KIF3A: variants seen among roughly 807,000 people sequenced by gnomAD.
KIF3A encodes kinesin-like protein KIF3A.
Under a neutral mutation model 92.6 loss-of-function variants are expected in KIF3A, and 27 were observed. That is an observed-to-expected ratio of 0.29 (90% CI 0.21 to 0.40). KIF3A has a LOEUF of 0.40. Ranked by LOEUF, KIF3A falls within the 10% of genes least tolerant of loss-of-function variation. The pLI is 1.00. For missense variants in KIF3A, 581 were observed against 872.6 expected (o/e 0.67, Z 4.21); for synonymous variants, 250 against 275.4 (o/e 0.91, Z 0.92).
intron 8 of KIF3A, among the ~76,000 whole-genome samples, chr5:132,713,003 C>A (rs758100778): frequency 1.3e-4 from 20 of 152,188 alleles, no homozygotes; most frequent in Admixed American, 2.0e-4. Context: ...ACTAAAAATA[C>A]GAAAATTAGC....
intron 18 of KIF3A, 80 bp from the exon 19 acceptor site, chr5:132,696,762 T>C (rs977795056): frequency 1.5e-5 from 16 of 1,096,026 alleles, no homozygotes; most frequent in East Asian, 9.5e-5. Flanking sequence ...ATATAGAAAC[T>C]ATGGGGTGGC....
chr5:132,691,722 G>C (rs193211716), downstream of KIF3A, among the ~76,000 whole-genome samples: 2 of 151,444 alleles, frequency 1.3e-5, no homozygotes, highest in Non-Finnish European at 2.9e-5. Flanking sequence ...GAACAACATG[G>C]TGAAATTCCA....
In KIF3A at chr5:132,729,293, T is replaced by A. The variant is rs542779545; in HGVS notation, c.281-2795A>T. Among the ~76,000 whole-genome samples, 8 of 151,112 alleles carry A rather than the reference T, an allele frequency of 5.3e-5. No homozygotes were observed. In the East Asian group the frequency reaches 7.8e-4, roughly 15 times the overall value. ...AACTTATTGAAATTAAAACTAAATT[T>A]AAAAAAAAATTAGCCAGACATGGTG... On this transcript the variant is annotated intron_variant, in intron 2 of 18. Transcript: ENST00000403231.
At chr5:132,724,375 A>G (rs978513633) in intron 4 of KIF3A, among the ~76,000 whole-genome samples, 16 of 152,212 alleles carry the variant, frequency 1.1e-4, no homozygotes, top group African/African-American at 3.9e-4. Flanking sequence ...TCACAATAGC[A>G]AAGACTTGGA....
At chr5:132,721,768 T>C (rs746225214) in intron 4 of KIF3A, among the ~76,000 whole-genome samples, 8 of 151,880 alleles carry the variant, frequency 5.3e-5, no homozygotes, top group Admixed American at 1.3e-4. Context: ...TTTCAGACCT[T>C]GCTCTGAAAA....
At chr5:132,712,897 C>T (rs1218260610) in intron 8 of KIF3A, among the ~76,000 whole-genome samples, 5 of 152,192 alleles carry the variant, frequency 3.3e-5, no homozygotes, top group Admixed American at 6.5e-5. Flanking sequence ...TGGTGGCTCA[C>T]GCCTGTAGTC....
chr5:132,710,054 T>C (rs1239122389), intron 9 of KIF3A, among the ~76,000 whole-genome samples: 2 of 152,188 alleles, frequency 1.3e-5, no homozygotes, highest in African/African-American at 4.8e-5. Flanking sequence ...AATAAATATT[T>C]ATGGTAAAAA....
At chr5:132,729,182 A>G (rs953753992) in intron 2 of KIF3A, among the ~76,000 whole-genome samples, 4 of 152,196 alleles carry the variant, frequency 2.6e-5, no homozygotes, top group Non-Finnish European at 4.4e-5. Context: ...TACAGTGTAC[A>G]CTGCTTGGGT....
chr5:132,724,806 A>T (rs13175829), intron 4 of KIF3A, among the ~76,000 whole-genome samples: 853 of 22,272 alleles, frequency 0.038, 16 homozygotes, highest in South Asian at 0.049. Context: ...AAAAAAAAAA[A>T]ATATATATAT....
intron 11 of KIF3A, among the ~76,000 whole-genome samples, chr5:132,705,360 T>C (rs1246816675): frequency 2.0e-5 from 3 of 151,844 alleles, no homozygotes; most frequent in Admixed American, 1.3e-4. Flanking sequence ...AAATAATAAA[T>C]GCATGAAGAC....
intron 11 of KIF3A, among the ~76,000 whole-genome samples, chr5:132,703,878 T>G (rs1296608025): frequency 6.6e-6 from 1 of 151,566 alleles, no homozygotes. Context: ...AGAAGCAAAA[T>G]AGATGAGCTA....
At chr5:132,712,574 C>G (rs1446525288) in intron 8 of KIF3A, among the ~76,000 whole-genome samples, 1 of 152,114 alleles carries the variant, frequency 6.6e-6, no homozygotes, top group Non-Finnish European at 1.5e-5. Context: ...ATTATTGTTG[C>G]AGACAAGAAC....
rs746645984 is a variant in KIF3A, at chr5:132,700,635, G to C, written c.1938+12C>G. ...TTTAATTATTACGTGAAAGAATGAAGGTAATACTCACTAGCTGCCATTCTC... is the reference window on the plus strand; with the variant it reads ...TTTAATTATTACGTGAAAGAATGAACGTAATACTCACTAGCTGCCATTCTC... On this transcript the variant is annotated intron_variant, in intron 16 of 18. Coordinates refer to ENST00000403231, the MANE Select transcript of KIF3A (RefSeq NM_001300791.2). 5 of 1,532,866 alleles carry C rather than the reference G, an allele frequency of 3.3e-6. No homozygotes were observed. The highest frequency in any genetic ancestry group is 3.6e-6 in the Non-Finnish European group (4 of 1,106,730). The allele number at this position is 1,532,866 out of a possible 1,614,324, so 95.0% of individuals were successfully genotyped here. A position where few individuals can be genotyped will look rare whatever the true frequency, so the allele number is the denominator to read the frequency against.
In KIF3A at chr5:132,696,602, T is replaced by A. The variant is rs1303340889; in HGVS notation, c.*32A>T. On this transcript the variant is annotated 3_prime_UTR_variant, in exon 19 of 19. Transcript: ENST00000403231. ...TTTTGTCCAGGCATGAGAATATCAC[T>A]AATTTTTATTGTGACTTTAAGTCTG... The A allele has an allele frequency of 7.1e-6, 10 of 1,417,258 alleles. No individual in the cohort carries two copies. The highest frequency in any genetic ancestry group is 2.8e-5 in the African/African-American group (2 of 71,236). 87.8% of individuals were successfully genotyped at this position (1,417,258 alleles called of 1,614,324 possible).
At chr5:132,698,253 A>G in intron 18 of KIF3A, among the ~76,000 whole-genome samples, 1 of 152,148 alleles carries the variant, frequency 6.6e-6, no homozygotes, top group East Asian at 1.9e-4. Flanking sequence ...TATTTCCTAC[A>G]TTTTAGGAGC....
intron 18 of KIF3A, 107 bp downstream of exon 18, chr5:132,699,064 C>A: frequency 8.7e-7 from 1 of 1,149,354 alleles, no homozygotes; most frequent in South Asian, 1.5e-5. Context: ...ATAAATCAGC[C>A]AAAATATGTA....
At chr5:132,736,525 G>A (rs779726835) in intron 1 of KIF3A, among the ~76,000 whole-genome samples, 1 of 152,182 alleles carries the variant, frequency 6.6e-6, no homozygotes, top group Non-Finnish European at 1.5e-5. Context: ...AACCTGACTG[G>A]TGTTGCTCAA....
rs1561684134 is a variant in KIF3A at position 132,693,499 on chromosome 5, T to C, written c.*3135A>G. 1 of 152,768 alleles carries C rather than the reference T, an allele frequency of 6.5e-6. No homozygotes were observed. The highest frequency in any genetic ancestry group is 2.4e-5 in the African/African-American group (1 of 41,448). The allele number at this position is 152,768 out of a possible 1,614,324, so 9.5% of individuals were successfully genotyped here. A position where few individuals can be genotyped will look rare whatever the true frequency, so the allele number is the denominator to read the frequency against. ...ATATATGTGCCACTCATTTTAAATC[T>C]GCATATTTATTTCAAAAAATGAGCA... On this transcript the variant is annotated 3_prime_UTR_variant, in exon 19 of 19. Coordinates refer to ENST00000403231, the MANE Select transcript of KIF3A (RefSeq NM_001300791.2).
At chr5:132,689,238 T>G (rs1427998919), downstream of KIF3A, among the ~76,000 whole-genome samples, 2 of 152,212 alleles carry the variant, frequency 1.3e-5, no homozygotes, top group Non-Finnish European at 2.9e-5. Context: ...TTTGGAAGGC[T>G]CCTCCAGCTC....
Sources: gnomAD v4.1 joint callset for allele counts (sites outside exome capture counted in the v4.1 genomes callset) on GRCh38, gnomAD v4.1.1 for gene constraint, MANE v1.5 for transcripts, NCBI Gene and HGNC (gene_info 2026-07-23, HGNC 2026-07-21) for gene names.